The following PKP2 variants were observed in gnomAD, a reference collection of about 807,000 sequenced individuals.
PKP2 encodes plakophilin-2.
A neutral mutation model predicts 83.4 loss-of-function variants in PKP2; 73 were observed. The observed-to-expected ratio is 0.88, with a 90% CI of 0.72 to 1.06. PKP2 has a LOEUF of 1.06. Ranked by LOEUF, PKP2 falls within the 50% of genes least tolerant of loss-of-function variation. PKP2 has a pLI of 0.00. For missense variants in PKP2, 966 were observed against 1,065.4 expected (o/e 0.91, Z 1.30); for synonymous variants, 409 against 430.4 (o/e 0.95, Z 0.62).
At chr12:32,829,581 G>A (rs184512804) in intron 6 of PKP2, among the ~76,000 whole-genome samples, 56 of 152,142 alleles carry the variant, frequency 3.7e-4, no homozygotes, top group African/African-American at 1.3e-3. Flanking sequence ...ACTTGATAAT[G>A]GGTATGGTTT....
At chr12:32,866,550 CAAAAAAAAAAAAAAAAAA>C (rs56079220) in intron 4 of PKP2, among the ~76,000 whole-genome samples, 1 of 36,178 alleles carries the variant, frequency 2.8e-5, no homozygotes, top group Non-Finnish European at 4.4e-5. Flanking sequence ...GATCCTTTCT[CAAAAAAAAAAAAAAAAAA>C]AAAAAAAAAA....
chr12:32,883,755 T>C (rs1213740977), intron 1 of PKP2, among the ~76,000 whole-genome samples: 1 of 152,192 alleles, frequency 6.6e-6, no homozygotes, highest in Non-Finnish European at 1.5e-5. Context: ...ATCAGTTAGA[T>C]GCCTGTTTCC....
intron 9 of PKP2, among the ~76,000 whole-genome samples, chr12:32,805,118 C>G (rs1330412108): frequency 6.6e-6 from 1 of 150,964 alleles, no homozygotes. Context: ...AGAGTCTGTT[C>G]ATGTCCTTTG....
chr12:32,833,427 C>T (rs1314156574), intron 6 of PKP2, among the ~76,000 whole-genome samples: 1 of 152,074 alleles, frequency 6.6e-6, no homozygotes, highest in Non-Finnish European at 1.5e-5. Context: ...TAAAAATGTA[C>T]ATGGAGACAT....
rs1282972654 is a variant in PKP2, at chr12:32,810,826, C to T, written c.2014-8270G>A. ...CCTCCCGAGTAGCTGGGACTACAGG[C>T]GCCCGCCACTACGCCCGGCTAATTT... On this transcript the variant is annotated intron_variant, in intron 9 of 12. Transcript: ENST00000340811. 8.5e-5 allele frequency among the ~76,000 whole-genome samples: 3 copies of T among 35,200 alleles called. 1 individual carries two copies. The highest frequency in any genetic ancestry group is 6.2e-4 in the Admixed American group (3 of 4,834). The allele number at this position is 35,200 out of a possible 152,430, so 23.1% of individuals were successfully genotyped here. A position where few individuals can be genotyped will look rare whatever the true frequency, so the allele number is the denominator to read the frequency against.
chr12:32,816,847 G>A (rs1025911019), intron 9 of PKP2, among the ~76,000 whole-genome samples: 3 of 152,130 alleles, frequency 2.0e-5, no homozygotes, highest in African/African-American at 7.2e-5. Context: ...TAGTGATGAT[G>A]AGCGTTTTTT....
intron 9 of PKP2, among the ~76,000 whole-genome samples, chr12:32,819,955 A>C (rs1246366355): frequency 6.7e-6 from 1 of 150,184 alleles, no homozygotes; most frequent in South Asian, 2.2e-4. Flanking sequence ...ATAGTTTAGC[A>C]AAGTAAGAGA....
At chr12:32,835,111 T>C (rs1956533417) in intron 6 of PKP2, among the ~76,000 whole-genome samples, 1 of 151,134 alleles carries the variant, frequency 6.6e-6, no homozygotes, top group Non-Finnish European at 1.5e-5. Context: ...TGGAGTGCAG[T>C]GGCGCGACTT....
intron 7 of PKP2, among the ~76,000 whole-genome samples, chr12:32,823,679 T>C (rs1052592299): frequency 1.3e-5 from 2 of 151,492 alleles, no homozygotes; most frequent in African/African-American, 4.9e-5. Flanking sequence ...CAATCTCTGC[T>C]CACTGCAAGC....
intron 7 of PKP2, among the ~76,000 whole-genome samples, chr12:32,823,417 G>A: frequency 1.2e-5 from 1 of 80,616 alleles, no homozygotes; most frequent in African/African-American, 5.3e-5. Context: ...GCTAGACTCT[G>A]CCTCCAAAAA....
intron 7 of PKP2, among the ~76,000 whole-genome samples, chr12:32,823,789 G>A (rs1193107461): frequency 6.6e-6 from 1 of 151,956 alleles, no homozygotes; most frequent in East Asian, 1.9e-4. Context: ...TTTTAGTAGA[G>A]ACGGGGTTTC....
intron 9 of PKP2, among the ~76,000 whole-genome samples, chr12:32,805,590 G>A (rs1393689834): frequency 2.6e-5 from 4 of 152,128 alleles, no homozygotes; most frequent in Admixed American, 1.3e-4. Context: ...CTTTTGTCAG[G>A]TTTGTTGAAG....
At chr12:32,808,405 A>G (rs1273240801) in intron 9 of PKP2, among the ~76,000 whole-genome samples, 1 of 152,168 alleles carries the variant, frequency 6.6e-6, no homozygotes, top group Non-Finnish European at 1.5e-5. Context: ...TAAACTGGCT[A>G]TTCTGGTTAT....
Position 32,802,527 on chromosome 12 carries a change from G to C in PKP2, c.2043C>G (p.Val681=), listed in dbSNP as rs1422427818. The change falls in exon 10 of 13, where the codon GTC becomes GTG. Residue 681 remains valine (V), a synonymous_variant. Coordinates refer to ENST00000340811, the MANE Select transcript of PKP2 (RefSeq NM_001005242.3). ...PMPTSVAQTV[V]QKESGLQHTR... is the part of the protein sequence containing the mutation. ...TGTGCTGCAGGCCACTTTCCTTCTG[G>C]ACAACTGTCTGAGCCACTGATGTCG... 2 of 1,614,074 alleles carry C rather than the reference G, an allele frequency of 1.2e-6. No individual in the cohort carries two copies. The highest frequency in any genetic ancestry group is 4.5e-5 in the East Asian group (2 of 44,886).
chr12:32,820,096 T>C (rs894750478), intron 9 of PKP2: 3 of 152,182 alleles, frequency 2.0e-5, no homozygotes, highest in Non-Finnish European at 4.4e-5. Flanking sequence ...GCCAAACAGA[T>C]GAAAGTTTGG....
At chr12:32,869,820 G>A (rs976474025) in intron 3 of PKP2, among the ~76,000 whole-genome samples, 3 of 152,094 alleles carry the variant, frequency 2.0e-5, no homozygotes, top group Non-Finnish European at 4.4e-5. Flanking sequence ...AGGAATTCAA[G>A]ACCAGCCCTG....
At position 32,791,675 on chromosome 12, in the gene PKP2, A is replaced by G. The variant is rs1192895230; in HGVS notation, c.*749T>C. Reference sequence around the variant, plus strand: ...TGACTCAGTGTTTGGGGGAACGTTAAATTTTATCATCACAGTTGCCTTTCT... The same window carrying G: ...TGACTCAGTGTTTGGGGGAACGTTAGATTTTATCATCACAGTTGCCTTTCT... On this transcript the variant is annotated 3_prime_UTR_variant, in exon 13 of 13. Coordinates refer to ENST00000340811, the MANE Select transcript of PKP2 (RefSeq NM_001005242.3). 2 of 152,234 alleles carry G rather than the reference A, an allele frequency of 1.3e-5. No homozygotes were observed. The highest frequency in any genetic ancestry group is 4.8e-5 in the African/African-American group (2 of 41,450). The allele number at this position is 152,234 out of a possible 1,614,324, so 9.4% of individuals were successfully genotyped here.
chr12:32,804,629 T>TC (rs1956212270), intron 9 of PKP2, among the ~76,000 whole-genome samples: 1 of 152,220 alleles, frequency 6.6e-6, no homozygotes, highest in Non-Finnish European at 1.5e-5. Context: ...AAGGACATGA[T>TC]CTCGTTCCTT....
At chr12:32,852,440 G>A (rs1956708202) in intron 4 of PKP2, among the ~76,000 whole-genome samples, 1 of 152,088 alleles carries the variant, frequency 6.6e-6, no homozygotes, top group Non-Finnish European at 1.5e-5. Flanking sequence ...TAGAAAGGCG[G>A]AAATAAACAT....
Sources: allele counts gnomAD v4.1 joint callset (sites outside exome capture counted in the v4.1 genomes callset), GRCh38; gene constraint gnomAD v4.1.1; transcripts MANE v1.5; gene names NCBI Gene and HGNC (gene_info 2026-07-23, HGNC 2026-07-21).